Variants in NSUN7 observed in about 807,000 individuals in gnomAD.
The protein encoded by NSUN7 is protein NSUN7.
Under a neutral mutation model 58.5 loss-of-function variants are expected in NSUN7, and 39 were observed. That is an observed-to-expected ratio of 0.67 (90% CI 0.52 to 0.87). NSUN7 has a LOEUF of 0.87. Ranked by LOEUF, NSUN7 falls within the 40% of genes least tolerant of loss-of-function variation. The probability of loss-of-function intolerance (pLI) is 0.00; values close to 1 mark genes in which losing one functional copy is unlikely to be tolerated. For missense variants in NSUN7, 765 were observed against 844.1 expected (o/e 0.91, Z 1.16); for synonymous variants, 278 against 303.7 (o/e 0.92, Z 0.88).
intron 2 of NSUN7, among the ~76,000 whole-genome samples, chr4:40,752,796 TA>T (rs1445800274): frequency 1.2e-4 from 1 of 8,686 alleles, no homozygotes; most frequent in Non-Finnish European, 2.4e-4. Context: ...TAGACAGGAA[TA>T]TATATTTTTG....
chr4:40,794,303 TATATG>T (rs1458680319), intron 8 of NSUN7, 67 bp from the exon 9 acceptor site: 1 of 709,548 alleles, frequency 1.4e-6, no homozygotes, highest in Admixed American at 3.1e-5. Flanking sequence ...ATTGAAAAAT[TATATG>T]ATGATAACAA....
At chr4:40,796,471 C>A (rs188299892) in intron 9 of NSUN7, among the ~76,000 whole-genome samples, 3 of 151,994 alleles carry the variant, frequency 2.0e-5, no homozygotes, top group Admixed American at 1.3e-4. Flanking sequence ...GAGACCCTGC[C>A]TCTACAAAAA....
intron 2 of NSUN7, among the ~76,000 whole-genome samples, chr4:40,755,158 C>T (rs1431735104): frequency 6.6e-6 from 1 of 152,128 alleles, no homozygotes; most frequent in Non-Finnish European, 1.5e-5. Flanking sequence ...GGCGCGATCT[C>T]GGCTCACTGC....
At chr4:40,783,684 C>T (rs1248975413) in intron 7 of NSUN7, among the ~76,000 whole-genome samples, 1 of 151,906 alleles carries the variant, frequency 6.6e-6, no homozygotes, top group Non-Finnish European at 1.5e-5. Context: ...CCTGTCTCTA[C>T]TAAAATTACA....
intron 2 of NSUN7, among the ~76,000 whole-genome samples, chr4:40,757,237 A>C (rs542527128): frequency 1.3e-5 from 2 of 152,146 alleles, no homozygotes; most frequent in Admixed American, 1.3e-4. Context: ...TCAATAAATA[A>C]ATAAACAAAT....
At position 40,811,010 on chromosome 4, in the gene NSUN7, T is replaced by C. The variant is rs1744289303; in HGVS notation, c.*2071T>C. ...TTATTTTCAAGTGTATTTTCTGTGATGTTGTCTCATTGTTATGGAATAGTT... is the reference window on the plus strand; with the variant it reads ...TTATTTTCAAGTGTATTTTCTGTGACGTTGTCTCATTGTTATGGAATAGTT... On this transcript the variant is annotated 3_prime_UTR_variant, in exon 12 of 12. Coordinates refer to ENST00000381782, the MANE Select transcript of NSUN7 (RefSeq NM_024677.6). The C allele has an allele frequency of 6.6e-6, 1 of 152,232 alleles. No individual in the cohort carries two copies. Among genetic ancestry groups the C allele is most frequent in the Admixed American group, 6.5e-5 (1 of 15,282 alleles). 9.4% of individuals were successfully genotyped at this position (152,232 alleles called of 1,614,324 possible).
chr4:40,752,942 C>T (rs937704308), intron 2 of NSUN7, among the ~76,000 whole-genome samples: 23 of 151,318 alleles, frequency 1.5e-4, no homozygotes, highest in African/African-American at 4.4e-4. Flanking sequence ...ATCTTCTTCC[C>T]CTCTCCCCTA....
At chr4:40,773,807 C>G (rs1019141237) in intron 4 of NSUN7, among the ~76,000 whole-genome samples, 3 of 152,044 alleles carry the variant, frequency 2.0e-5, no homozygotes, top group Non-Finnish European at 4.4e-5. Flanking sequence ...TTTCTATTTT[C>G]TTTTCTTTTT....
intron 7 of NSUN7, among the ~76,000 whole-genome samples, chr4:40,785,138 C>G (rs558934847): frequency 2.6e-4 from 40 of 151,166 alleles, no homozygotes; most frequent in African/African-American, 7.8e-4. Context: ...TGGGTGCAAA[C>G]AGTCCTCCCA....
chr4:40,806,723 T>C (rs1459651820), intron 10 of NSUN7, among the ~76,000 whole-genome samples: 1 of 152,222 alleles, frequency 6.6e-6, no homozygotes, highest in Non-Finnish European at 1.5e-5. Context: ...GTGATTAATG[T>C]ACATATTTAC....
chr4:40,755,461 A>G (rs1227441605), intron 2 of NSUN7, among the ~76,000 whole-genome samples: 1 of 152,182 alleles, frequency 6.6e-6, no homozygotes, highest in East Asian at 1.9e-4. Context: ...TTAAAAAAAA[A>G]TTGGAGAAAG....
At chr4:40,777,172 C>T (rs753044656) in intron 7 of NSUN7, among the ~76,000 whole-genome samples, 2 of 152,072 alleles carry the variant, frequency 1.3e-5, no homozygotes, top group Non-Finnish European at 2.9e-5. Context: ...GAATTAGAAC[C>T]CCCATTCCAG....
chr4:40,772,937 A>G (rs1381382969), intron 4 of NSUN7: 2 of 152,222 alleles, frequency 1.3e-5, no homozygotes, highest in Non-Finnish European at 2.9e-5. Flanking sequence ...ATGGGTCAGG[A>G]ATAAGTCCTG....
chr4:40,767,893 C>A (rs190873492), intron 4 of NSUN7, among the ~76,000 whole-genome samples: 85 of 152,306 alleles, frequency 5.6e-4, no homozygotes, highest in Admixed American at 5.6e-3. Context: ...TGTTGTACCC[C>A]AGTACCCAAG....
intron 2 of NSUN7, among the ~76,000 whole-genome samples, chr4:40,759,753 A>G (rs1302148830): frequency 2.6e-5 from 4 of 152,152 alleles, no homozygotes; most frequent in African/African-American, 9.7e-5. Context: ...TAAATAAAAC[A>G]TTAGCAGCCG....
intron 10 of NSUN7, among the ~76,000 whole-genome samples, chr4:40,799,205 C>T (rs1277064982): frequency 6.6e-6 from 1 of 151,306 alleles, no homozygotes; most frequent in African/African-American, 2.4e-5. Flanking sequence ...CCTGCCTCAG[C>T]CTCCCAAGTG....
intron 8 of NSUN7, among the ~76,000 whole-genome samples, chr4:40,793,726 G>A (rs1465079765): frequency 1.3e-5 from 2 of 152,112 alleles, no homozygotes; most frequent in Admixed American, 6.5e-5. Context: ...GTTGTTTAAT[G>A]TATGTTTAAA....
At chr4:40,804,519 TTCTCA>T (rs1244579091) in intron 10 of NSUN7, among the ~76,000 whole-genome samples, 4 of 152,306 alleles carry the variant, frequency 2.6e-5, no homozygotes, top group Admixed American at 2.6e-4. Context: ...CAGATATTAT[TTCTCA>T]TCTGACATTT....
chr4:40,750,631 GT>G lies in NSUN7; in HGVS notation c.-60del. ...CCATGCTGCAGATGCGAGGAAAGCC[GT>G]TTCCTGGAACATCGGAATTCTAACC... is the stretch of plus-strand genomic sequence containing the variant. On this transcript the variant is annotated 5_prime_UTR_variant, in exon 2 of 12. It removes the in-frame stop codon of an upstream open reading frame in the 5' UTR. Transcript: ENST00000381782. 6.4e-7 allele frequency: 1 copy of G among 1,568,064 alleles called. No homozygotes were observed.
Sources: gnomAD v4.1 joint callset for allele counts (sites outside exome capture counted in the v4.1 genomes callset) on GRCh38, gnomAD v4.1.1 for gene constraint, MANE v1.5 for transcripts, NCBI Gene and HGNC (gene_info 2026-07-23, HGNC 2026-07-21) for gene names.